KCTD8: variants seen among roughly 807,000 people sequenced by gnomAD.
KCTD8 encodes potassium channel tetramerization domain containing 8, also known as BTB/POZ domain-containing protein KCTD8.
Under a neutral mutation model 31.5 loss-of-function variants are expected in KCTD8, and 27 were observed. The ratio of observed to expected loss-of-function variants is 0.86; its 90% CI spans 0.63 to 1.18. The LOEUF is 1.18. KCTD8 is among the 50% of genes most tolerant of loss of function. The pLI is 0.00. For missense variants in KCTD8, 658 were observed against 647.7 expected (o/e 1.02, Z -0.17); for synonymous variants, 290 against 280.0 (o/e 1.04, Z -0.36).
At chr4:44,382,273 G>C (rs541480993) in intron 1 of KCTD8, among the ~76,000 whole-genome samples, 5 of 152,062 alleles carry the variant, frequency 3.3e-5, no homozygotes, top group Non-Finnish European at 5.9e-5. Context: ...TCAATAGATA[G>C]AGAAAACACA....
intron 1 of KCTD8, among the ~76,000 whole-genome samples, chr4:44,200,137 A>G (rs1260564210): frequency 1.3e-5 from 2 of 151,968 alleles, no homozygotes; most frequent in Admixed American, 1.3e-4. Flanking sequence ...GATTGATAAC[A>G]AGTTCTGAAA....
At chr4:44,446,719 C>T (rs747658431) in intron 1 of KCTD8, among the ~76,000 whole-genome samples, 3 of 152,202 alleles carry the variant, frequency 2.0e-5, no homozygotes, top group Non-Finnish European at 4.4e-5. Flanking sequence ...TGGACTCAAC[C>T]CCCGCTTTCG....
chr4:44,221,866 G>A (rs1023363379), intron 1 of KCTD8, among the ~76,000 whole-genome samples: 4 of 151,794 alleles, frequency 2.6e-5, no homozygotes, highest in African/African-American at 4.8e-5. Context: ...CTCCTTCGGC[G>A]ACACCCTCAC....
chr4:44,364,981 C>A (rs139673712), intron 1 of KCTD8, among the ~76,000 whole-genome samples: 16 of 151,922 alleles, frequency 1.1e-4, no homozygotes, highest in African/African-American at 3.9e-4. Context: ...CTGTATGAAA[C>A]TGTAATGGTA....
chr4:44,265,593 C>T (rs1281322536), intron 1 of KCTD8, among the ~76,000 whole-genome samples: 3 of 152,198 alleles, frequency 2.0e-5, no homozygotes, highest in South Asian at 4.2e-4. Flanking sequence ...TCAAACTACT[C>T]CGAGCTACAG....
At chr4:44,370,940 G>A (rs974077770) in intron 1 of KCTD8, among the ~76,000 whole-genome samples, 3 of 151,986 alleles carry the variant, frequency 2.0e-5, no homozygotes, top group African/African-American at 7.3e-5. Context: ...GAGATTTATT[G>A]TGAAGAATTG....
intron 1 of KCTD8, among the ~76,000 whole-genome samples, chr4:44,386,635 C>G (rs556330785): frequency 6.6e-6 from 1 of 151,464 alleles, no homozygotes; most frequent in Non-Finnish European, 1.5e-5. Context: ...AGAACCCTCA[C>G]ACACTGTTGG....
chr4:44,253,842 C>T (rs926964900), intron 1 of KCTD8, among the ~76,000 whole-genome samples: 7 of 151,772 alleles, frequency 4.6e-5, no homozygotes, highest in Admixed American at 4.6e-4. Flanking sequence ...TGTTACATAG[C>T]AATAAGTAGC....
intron 1 of KCTD8, among the ~76,000 whole-genome samples, chr4:44,321,943 A>G (rs1443764345): frequency 6.6e-6 from 1 of 151,982 alleles, no homozygotes; most frequent in East Asian, 1.9e-4. Flanking sequence ...TATTCTTTCT[A>G]TGGCTGAATA....
In KCTD8 at chr4:44,336,770, C is replaced by T. The variant is rs1483308695; in HGVS notation, c.961+110793G>A. On this transcript the variant is annotated intron_variant, in intron 1 of 1. Transcript: ENST00000360029. ...GAATTAAAATATCCTGAATAATAAA[C>T]AATAAATGTATGATATCTACATACC... Among the ~76,000 whole-genome samples, 5 of 151,738 alleles carry T rather than the reference C, an allele frequency of 3.3e-5. No individual in the cohort carries two copies. The East Asian group carries it at 5.8e-4, about 18-fold the overall frequency.
chr4:44,401,500 GA>G (rs1376924571), intron 1 of KCTD8, among the ~76,000 whole-genome samples: 1 of 152,074 alleles, frequency 6.6e-6, no homozygotes, highest in Non-Finnish European at 1.5e-5. Context: ...CTCACAAGAT[GA>G]AAAAGAACAA....
chr4:44,303,203 A>G lies in KCTD8; in HGVS notation c.962-127953T>C, dbSNP rs563394612. On this transcript the variant is annotated intron_variant, in intron 1 of 1. Coordinates refer to ENST00000360029, the MANE Select transcript of KCTD8 (RefSeq NM_198353.3). ...CTCTTTTTTGATTGTGTCTCTGCCC[A>G]GCTTTGGAATCAAGATGATGCTGGC... is the stretch of plus-strand genomic sequence containing the variant. 1.6e-3 allele frequency among the ~76,000 whole-genome samples: 242 copies of G among 152,170 alleles called. 1 individual carries two copies. Among genetic ancestry groups the G allele is most frequent in the Non-Finnish European group, 2.2e-3 (149 of 68,012 alleles).
intron 1 of KCTD8, among the ~76,000 whole-genome samples, chr4:44,281,041 C>G (rs1016586424): frequency 1.3e-5 from 2 of 151,986 alleles, no homozygotes; most frequent in African/African-American, 4.8e-5. Context: ...ATCCAGCTAT[C>G]TGACTTTAAA....
chr4:44,304,364 T>C (rs745754046), intron 1 of KCTD8, among the ~76,000 whole-genome samples: 1 of 152,150 alleles, frequency 6.6e-6, no homozygotes, highest in Non-Finnish European at 1.5e-5. Flanking sequence ...TGAGGTAAAG[T>C]AGATGGCCTG....
At chr4:44,343,940 C>A (rs1029673779) in intron 1 of KCTD8, among the ~76,000 whole-genome samples, 2 of 152,018 alleles carry the variant, frequency 1.3e-5, no homozygotes, top group Admixed American at 6.6e-5. Context: ...CTCACTGAAA[C>A]CTCTGCCTCC....
intron 1 of KCTD8, among the ~76,000 whole-genome samples, chr4:44,343,240 G>GATT (rs946228147): frequency 3.9e-5 from 6 of 152,308 alleles, no homozygotes; most frequent in South Asian, 2.1e-4. Context: ...ACTGCTGCAT[G>GATT]ATTAGTAATT....
At chr4:44,347,099 A>G (rs1484403599) in intron 1 of KCTD8, among the ~76,000 whole-genome samples, 1 of 152,220 alleles carries the variant, frequency 6.6e-6, no homozygotes, top group East Asian at 1.9e-4. Context: ...ACTGCTGCTC[A>G]GATGCTGTAA....
At chr4:44,252,168 G>C (rs1715858300) in intron 1 of KCTD8, among the ~76,000 whole-genome samples, 2 of 151,696 alleles carry the variant, frequency 1.3e-5, no homozygotes, top group South Asian at 4.1e-4. Context: ...ATTTTACCCA[G>C]GTTGCTGTGA....
At position 44,283,347 on chromosome 4, in the gene KCTD8, G is replaced by T. The variant is rs144158251; in HGVS notation, c.962-108097C>A. On this transcript the variant is annotated intron_variant, in intron 1 of 1. Transcript: ENST00000360029. ...TTACAAGCATGAGACACCATGCCTG[G>T]CCCAGATTTTCAATGTGAATAAAAC... Among the ~76,000 whole-genome samples the T allele has an allele frequency of 4.2e-3, 646 of 152,094 alleles. 6 individuals are homozygous for T. The highest frequency in any genetic ancestry group is 0.015 in the African/African-American group (620 of 41,494).
Sources: allele counts gnomAD v4.1 joint callset (sites outside exome capture counted in the v4.1 genomes callset), GRCh38; gene constraint gnomAD v4.1.1; transcripts MANE v1.5; gene names NCBI Gene and HGNC (gene_info 2026-07-23, HGNC 2026-07-21).